The following PTPRO variants were observed in gnomAD, a reference collection of about 807,000 sequenced individuals.
The protein encoded by PTPRO is protein tyrosine phosphatase receptor type O.
A neutral mutation model predicts 145.2 loss-of-function variants in PTPRO; 62 were observed. The ratio of observed to expected loss-of-function variants is 0.43; its 90% CI spans 0.35 to 0.53. PTPRO has a LOEUF of 0.53. PTPRO is among the 20% of genes least tolerant of loss of function. The probability of loss-of-function intolerance (pLI) is 0.01; values close to 1 mark genes in which losing one functional copy is unlikely to be tolerated. For missense variants in PTPRO, 1,345 were observed against 1,482.7 expected, an observed-to-expected ratio of 0.91 and a Z score of 1.53; for synonymous variants, 565 against 514.7, an observed-to-expected ratio of 1.10 and a Z score of -1.32.
chr12:15,459,161 G>A (rs566436133), intron 1 of PTPRO, among the ~76,000 whole-genome samples: 14 of 152,268 alleles, frequency 9.2e-5, no homozygotes, highest in East Asian at 3.9e-4. Context: ...AAATTGAAAC[G>A]TTAAATATGT....
intron 1 of PTPRO, among the ~76,000 whole-genome samples, chr12:15,476,301 C>T (rs1466642976): frequency 2.6e-5 from 4 of 152,054 alleles, no homozygotes; most frequent in East Asian, 3.9e-4. Context: ...ATGCATTCAC[C>T]GTGAGATGAA....
chr12:15,418,367 T>A (rs1940041355), intron 1 of PTPRO, among the ~76,000 whole-genome samples: 1 of 151,770 alleles, frequency 6.6e-6, no homozygotes, highest in African/African-American at 2.4e-5. Context: ...GGCACAGAGA[T>A]GGCCTTCAGT....
intron 6 of PTPRO, among the ~76,000 whole-genome samples, chr12:15,506,172 A>G (rs10772859): frequency 0.42 from 64,406 of 152,022 alleles, 14,869 homozygotes; most frequent in African/African-American, 0.6. Flanking sequence ...TCCAACCTCC[A>G]CCCTCTGTGC....
intron 7 of PTPRO, among the ~76,000 whole-genome samples, chr12:15,513,132 G>A (rs7484356): frequency 0.013 from 264 of 20,906 alleles, 4 homozygotes; most frequent in African/African-American, 0.018. Flanking sequence ...AGGAAGGAAG[G>A]AAGGAAGGAA....
chr12:15,323,975 CTAAG>C (rs1298334176), intron 1 of PTPRO, among the ~76,000 whole-genome samples: 1 of 151,904 alleles, frequency 6.6e-6, no homozygotes, highest in Non-Finnish European at 1.5e-5. Flanking sequence ...AACAGAATGC[CTAAG>C]TAAGACCTTA....
At chr12:15,421,921 A>G (rs979342053) in intron 1 of PTPRO, among the ~76,000 whole-genome samples, 9 of 152,316 alleles carry the variant, frequency 5.9e-5, no homozygotes, top group African/African-American at 1.9e-4. Flanking sequence ...TCTCATAGGC[A>G]TGACATGCTT....
intron 1 of PTPRO, chr12:15,348,708 A>AC (rs1162311506): frequency 1.3e-5 from 2 of 150,294 alleles, no homozygotes; most frequent in Non-Finnish European, 3.0e-5. Context: ...AATGACGTGA[A>AC]CCCCGGGGGG....
chr12:15,566,027 T>C (rs1358890122), intron 18 of PTPRO, among the ~76,000 whole-genome samples: 1 of 152,200 alleles, frequency 6.6e-6, no homozygotes, highest in Non-Finnish European at 1.5e-5. Flanking sequence ...TTTTACTCTA[T>C]TTGATGTTAT....
intron 1 of PTPRO, among the ~76,000 whole-genome samples, chr12:15,370,669 A>G (rs118119968): frequency 0.013 from 1,959 of 152,244 alleles, 25 homozygotes; most frequent in Non-Finnish European, 0.017. Flanking sequence ...TTGCAAATCA[A>G]TAGAGAAGAG....
In PTPRO at chr12:15,343,702, T is replaced by C. The variant is rs572482428; in HGVS notation, c.75+20901T>C. ...ACCCTGTCTCAAAAATAAATATATA[T>C]ATATTTTTTGAGACAGAGTCTGGAG... On this transcript the variant is annotated intron_variant, in intron 1 of 26. Transcript: ENST00000281171. 1.8e-3 allele frequency among the ~76,000 whole-genome samples: 277 copies of C among 152,158 alleles called. 1 individual carries two copies. Among genetic ancestry groups the C allele is most frequent in the African/African-American group, 6.5e-3 (269 of 41,522 alleles).
intron 1 of PTPRO, among the ~76,000 whole-genome samples, chr12:15,418,422 C>T (rs1471392195): frequency 6.6e-6 from 1 of 151,722 alleles, no homozygotes; most frequent in Non-Finnish European, 1.5e-5. Context: ...TCATTGTTTA[C>T]CTGTTGTTGT....
intron 1 of PTPRO, among the ~76,000 whole-genome samples, chr12:15,423,827 T>C (rs930039311): frequency 1.3e-5 from 2 of 152,216 alleles, no homozygotes; most frequent in Non-Finnish European, 2.9e-5. Context: ...CTACTCCACT[T>C]AGATGACTCA....
chr12:15,460,331 A>G (rs916721062), intron 1 of PTPRO, among the ~76,000 whole-genome samples: 2 of 152,160 alleles, frequency 1.3e-5, no homozygotes, highest in East Asian at 3.9e-4. Context: ...AGACCTCCTG[A>G]TTTCATATGC....
chr12:15,552,931 C>G (rs1055411187), intron 15 of PTPRO, among the ~76,000 whole-genome samples: 10 of 149,842 alleles, frequency 6.7e-5, no homozygotes, highest in Non-Finnish European at 1.2e-4. Context: ...TCCTGAATAG[C>G]TGGGATTACA....
chr12:15,580,668 A>T, intron 21 of PTPRO, 29 bp from the exon 22 acceptor site: 20 of 1,613,832 alleles, frequency 1.2e-5, no homozygotes, highest in Non-Finnish European at 1.7e-5. Flanking sequence ...GTGTCTGGTT[A>T]GGTGATAATT....
At chr12:15,486,494 T>C (rs974383678) in intron 2 of PTPRO, among the ~76,000 whole-genome samples, 6 of 152,110 alleles carry the variant, frequency 3.9e-5, no homozygotes, top group Non-Finnish European at 7.4e-5. Context: ...AATCTAAAAA[T>C]CTTTGTCTTT....
chr12:15,366,139 CA>C (rs1017485365), intron 1 of PTPRO, among the ~76,000 whole-genome samples: 1 of 152,038 alleles, frequency 6.6e-6, no homozygotes, highest in African/African-American at 2.4e-5. Context: ...ACAAATATCA[CA>C]AAAAAACTTA....
intron 1 of PTPRO, among the ~76,000 whole-genome samples, chr12:15,371,589 C>T (rs1938532377): frequency 6.6e-6 from 1 of 152,156 alleles, no homozygotes; most frequent in African/African-American, 2.4e-5. Context: ...CCTACCCATT[C>T]ACTAAGGCTG....
intron 7 of PTPRO, among the ~76,000 whole-genome samples, chr12:15,509,916 G>C (rs74699342): frequency 0.1 from 15,237 of 151,970 alleles, 1,386 homozygotes; most frequent in African/African-American, 0.24. Flanking sequence ...AGTGGACCTT[G>C]CTCTCAAATG....
Sources: gnomAD v4.1 joint callset for allele counts (sites outside exome capture counted in the v4.1 genomes callset) on GRCh38, gnomAD v4.1.1 for gene constraint, MANE v1.5 for transcripts, NCBI Gene and HGNC (gene_info 2026-07-23, HGNC 2026-07-21) for gene names.